The following DCAF11 variants were observed in gnomAD, a reference collection of about 807,000 sequenced individuals.
DCAF11 encodes DDB1- and CUL4-associated factor 11.
In DCAF11, 44 loss-of-function variants were observed where a neutral mutation model predicts 76.1. That is an observed-to-expected ratio of 0.58 (90% confidence interval 0.45 to 0.74). DCAF11 has a LOEUF of 0.74. DCAF11 is among the 30% of genes least tolerant of loss of function. The pLI, the probability that DCAF11 is intolerant of heterozygous loss-of-function variation, is 0.00. For synonymous variants in DCAF11, 258 were observed against 255.0 expected (o/e 1.01, Z -0.11); for missense variants, 604 against 709.4 (o/e 0.85, Z 1.69).
At position 24,123,343 on chromosome 14, in the gene DCAF11, TTG is replaced by T. The variant is rs1389556763; in HGVS notation, c.*35_*36del. The T allele has an allele frequency of 4.7e-6, 7 of 1,503,444 alleles. No homozygotes were observed. Among genetic ancestry groups the T allele is most frequent in the Non-Finnish European group, 6.2e-6 (7 of 1,125,672 alleles). 93.1% of individuals were successfully genotyped at this position (1,503,444 alleles called of 1,614,324 possible). On this transcript the variant is annotated 3_prime_UTR_variant, in exon 15 of 15. Coordinates refer to ENST00000446197, the MANE Select transcript of DCAF11 (RefSeq NM_025230.5). Reference sequence around the variant, plus strand: ...TCCAGCCCCATATAGGGTGAACCTCTTGATAAGCTCTCTGCCTCCTCCTCCCT... The same window carrying T: ...TCCAGCCCCATATAGGGTGAACCTCTATAAGCTCTCTGCCTCCTCCTCCCT...
Position 24,115,479 on chromosome 14 carries a change from C to G in DCAF11, c.-116C>G. On this transcript the variant is annotated 5_prime_UTR_variant, in exon 2 of 15. Coordinates refer to ENST00000446197, the MANE Select transcript of DCAF11 (RefSeq NM_025230.5). Reference sequence around the variant, plus strand: ...GGAAGGGTCACCCTCCTAGAGATAGCTACTACCCCGTCTCAGGAGACCCTG... The same window carrying G: ...GGAAGGGTCACCCTCCTAGAGATAGGTACTACCCCGTCTCAGGAGACCCTG... 3 of 1,445,804 alleles carry G rather than the reference C, an allele frequency of 2.1e-6. No homozygotes were observed. The South Asian group carries it at 4.2e-5, about 20-fold the overall frequency. The allele number at this position is 1,445,804 out of a possible 1,614,324, so 89.6% of individuals were successfully genotyped here.
chr14:24,123,113 C>T, intron 14 of DCAF11, 36 bp downstream of exon 14: 1 of 1,614,108 alleles, frequency 6.2e-7, no homozygotes. Context: ...TGGCACATGT[C>T]TGGGGCTTGG....
chr14:24,116,838 A>C, intron 2 of DCAF11, 79 bp from the exon 3 acceptor site: 1 of 1,599,944 alleles, frequency 6.3e-7, no homozygotes, highest in African/African-American at 1.3e-5. Flanking sequence ...GTGGTCTAAG[A>C]GCTAGATAGC....
Position 24,119,812 on chromosome 14 carries a change from T to C in DCAF11, c.1008T>C (p.Asp336=), listed in dbSNP as rs746503904. The C allele has an allele frequency of 2.5e-5, 41 of 1,614,048 alleles. No homozygotes were observed. Among genetic ancestry groups the C allele is most frequent in the Non-Finnish European group, 2.8e-5 (33 of 1,180,038 alleles). The change falls in exon 11 of 15, where the codon GAT becomes GAC. Residue 336 remains aspartate (D), a synonymous_variant. Coordinates refer to ENST00000446197, the MANE Select transcript of DCAF11 (RefSeq NM_025230.5). ...ATGATGCCATCTGCAAAGTGTGGGA[T>C]CGACGCACCATGCGGGAGGATGACC... ...GGDDAICKVW[D]RRTMREDDPK... is the part of the protein sequence containing the mutation.
At position 24,119,073 on chromosome 14, in the gene DCAF11, C is replaced by T. The variant is rs74040012; in HGVS notation, c.780-72C>T. ...TTCCCCTGGGGATGTGCCTTACAAC[C>T]GTTGTCAGATTTTATGTAGATTAAC... On this transcript the variant is annotated intron_variant, in intron 8 of 14. Transcript: ENST00000446197. The T allele has an allele frequency of 5.8e-4, 923 of 1,591,994 alleles. 6 individuals carry two copies. The African/African-American group carries it at 0.011, about 19-fold the overall frequency.
intron 6 of DCAF11, 116 bp from the exon 7 acceptor site, chr14:24,118,272 A>G: frequency 1.3e-6 from 2 of 1,582,786 alleles, no homozygotes; most frequent in Non-Finnish European, 1.7e-6. Context: ...GCTTAGCCAG[A>G]CCATGTTTCC....
chr14:24,115,630 G>A lies in DCAF11; in HGVS notation c.36G>A (p.Gly12=). ...GSRNSSSAGS[G]SGDPSEGLPR... is the part of the protein sequence containing the mutation. ...GGAACAGCAGCAGTGCAGGATCCGG[G>A]TCCGGAGACCCCTCCGAGGGCTTGC... Residue 12 remains glycine, a synonymous_variant, in exon 2 of 15, where the codon GGG becomes GGA. Coordinates refer to ENST00000446197, the MANE Select transcript of DCAF11 (RefSeq NM_025230.5). The A allele has an allele frequency of 6.2e-7, 1 of 1,613,908 alleles. No individual in the cohort carries two copies. Among genetic ancestry groups the A allele is most frequent in the South Asian group, 1.1e-5 (1 of 91,020 alleles).
intron 13 of DCAF11, 150 bp downstream of exon 13, chr14:24,121,667 AAACC>A: frequency 1.2e-6 from 1 of 804,836 alleles, no homozygotes; most frequent in Non-Finnish European, 1.9e-6. Context: ...AGAGAAATAG[AAACC>A]ATTCTATTTT....
chr14:24,123,782 T>G lies in DCAF11; in HGVS notation c.*473T>G. ...AGGGGAGGGGCATGGGTAAGGGTGT[T>G]TCCTCAGCACCCTCCTGGGGTGGGG... On this transcript the variant is annotated 3_prime_UTR_variant, in exon 15 of 15. Transcript: ENST00000446197. The G allele has an allele frequency of 6.5e-6, 1 of 154,196 alleles. No homozygotes were observed. Among genetic ancestry groups the G allele is most frequent in the Non-Finnish European group, 1.4e-5 (1 of 69,372 alleles). The allele number at this position is 154,196 out of a possible 1,614,324, so 9.6% of individuals were successfully genotyped here.
chr14:24,118,929 C>T, intron 8 of DCAF11, 125 bp downstream of exon 8: 1 of 1,218,432 alleles, frequency 8.2e-7, no homozygotes, highest in Middle Eastern at 1.9e-4. Flanking sequence ...TGTGTGCATT[C>T]CTGGGAGGGA....
At chr14:24,115,331 G>A (rs2037524296) in intron 1 of DCAF11, 38 bp downstream of exon 1, 1 of 339,210 alleles carries the variant, frequency 2.9e-6, no homozygotes, top group African/African-American at 2.1e-5. Flanking sequence ...TCTTCAGTTG[G>A]TGAGCTAGGG....
At chr14:24,121,790 A>G in intron 13 of DCAF11, 1 of 384,550 alleles carries the variant, frequency 2.6e-6, no homozygotes, top group South Asian at 4.3e-5. Context: ...AAGAGGTTGC[A>G]GATGAAAGGT....
chr14:24,122,490 CAAAA>C (rs552258351), intron 13 of DCAF11, among the ~76,000 whole-genome samples: 1 of 46,394 alleles, frequency 2.2e-5, no homozygotes, highest in African/African-American at 8.5e-5. Context: ...GACTCCATCT[CAAAA>C]AAAAAAAAAA....
In DCAF11 at chr14:24,117,548, A is replaced by T; in HGVS notation, c.412-120A>T. The T allele has an allele frequency of 6.6e-7, 1 of 1,515,050 alleles. No individual in the cohort carries two copies. Among genetic ancestry groups the T allele is most frequent in the Non-Finnish European group, 9.0e-7 (1 of 1,108,836 alleles). 93.9% of individuals were successfully genotyped at this position (1,515,050 alleles called of 1,614,324 possible). On this transcript the variant is annotated intron_variant, in intron 4 of 14. Coordinates refer to ENST00000446197, the MANE Select transcript of DCAF11 (RefSeq NM_025230.5). The surrounding 1 kb of genome is among the most constrained non-coding windows in gnomAD (Gnocchi z 4.3). ...AGCCTCCATCGGAGTTCTGTGGGAC[A>T]GACTATGATGTGTGTGTCCATTTCT...
Position 24,118,084 on chromosome 14 carries a change from A to G in DCAF11, c.506A>G (p.Asp169Gly). The change falls in exon 6 of 15, where the codon GAT (aspartate) becomes GGT (glycine). Residue 169 changes from aspartate (D) to glycine (G), a missense_variant. Physicochemically the swap from Asp to Gly is moderately conservative, Grantham distance 94 (BLOSUM62 -1). Coordinates refer to ENST00000446197, the MANE Select transcript of DCAF11 (RefSeq NM_025230.5). ...TTGCCCAATGATCTGGGCTTCACTGATAGCTACTCTCAGAAGGCTTTCTGT... is the reference window on the plus strand; with the variant it reads ...TTGCCCAATGATCTGGGCTTCACTGGTAGCTACTCTCAGAAGGCTTTCTGT... Reference protein sequence around the residue: ...HFLPNDLGFTDSYSQKAFCGI... With the variant: ...HFLPNDLGFTGSYSQKAFCGI... 1 of 1,612,428 alleles carries G rather than the reference A, an allele frequency of 6.2e-7. No homozygotes were observed. The highest frequency in any genetic ancestry group is 8.5e-7 in the Non-Finnish European group (1 of 1,179,534).
chr14:24,117,558 G>C lies in DCAF11; in HGVS notation c.412-110G>C. 6.6e-7 allele frequency: 1 copy of C among 1,506,956 alleles called. No homozygotes were observed. Among genetic ancestry groups the C allele is most frequent in the Non-Finnish European group, 9.1e-7 (1 of 1,096,946 alleles). 93.3% of individuals were successfully genotyped at this position (1,506,956 alleles called of 1,614,324 possible). A position where few individuals can be genotyped will look rare whatever the true frequency, so the allele number is the denominator to read the frequency against. On this transcript the variant is annotated intron_variant, in intron 4 of 14. Coordinates refer to ENST00000446197, the MANE Select transcript of DCAF11 (RefSeq NM_025230.5). This position sits in a 1 kb window ranked among gnomAD's most constrained non-coding sequence, Gnocchi z 4.3. ...GGAGTTCTGTGGGACAGACTATGAT[G>C]TGTGTGTCCATTTCTATAACAAGAG...
At position 24,124,240 on chromosome 14, in the gene DCAF11, T is replaced by C. The variant is rs1205474649; in HGVS notation, c.*931T>C. On this transcript the variant is annotated 3_prime_UTR_variant, in exon 15 of 15. Coordinates refer to ENST00000446197, the MANE Select transcript of DCAF11 (RefSeq NM_025230.5). ...GTGCTCCCTTACCAATTTCAGAAGC[T>C]TCCCTGCAAGTAGATATCGAGAGAG... is the stretch of plus-strand genomic sequence containing the variant. 1 of 152,254 alleles carries C rather than the reference T, an allele frequency of 6.6e-6. No homozygotes were observed. Among genetic ancestry groups the C allele is most frequent in the Non-Finnish European group, 1.5e-5 (1 of 68,050 alleles). 9.4% of individuals were successfully genotyped at this position (152,254 alleles called of 1,614,324 possible). A position where few individuals can be genotyped will look rare whatever the true frequency, so the allele number is the denominator to read the frequency against.
chr14:24,115,739 C>A lies in DCAF11; in HGVS notation c.145C>A (p.Leu49Ile). Residue 49 changes from leucine to isoleucine, a missense_variant, in exon 2 of 15, where the codon CTC (leucine) becomes ATC (isoleucine). By Grantham distance (5) the Leu-to-Ile change is conservative. Coordinates refer to ENST00000446197, the MANE Select transcript of DCAF11 (RefSeq NM_025230.5). ...DVDLAQVLAY[L>I]LRRGQVRLVQ... ...GGATCTGGCCCAGGTACTGGCCTAT[C>A]TCCTCCGCAGGTAACTTACCCTCTG... is the stretch of plus-strand genomic sequence containing the variant. 1 of 1,612,884 alleles carries A rather than the reference C, an allele frequency of 6.2e-7. No individual in the cohort carries two copies. Among genetic ancestry groups the A allele is most frequent in the South Asian group, 1.1e-5 (1 of 90,802 alleles).
At position 24,125,157 on chromosome 14, in the gene DCAF11, GC is replaced by G. The variant is rs2037759307; in HGVS notation, c.*1850del. The G allele has an allele frequency of 6.6e-6, 1 of 152,204 alleles. No homozygotes were observed. Among genetic ancestry groups the G allele is most frequent in the Admixed American group, 6.6e-5 (1 of 15,264 alleles). The allele number at this position is 152,204 out of a possible 1,614,324, so 9.4% of individuals were successfully genotyped here. ...GGCCAGGAGGTCAAGGCTGCGGTGA[GC>G]CGTGATTGTGCCAATGTACTCCAGC... On this transcript the variant is annotated 3_prime_UTR_variant, in exon 15 of 15. Transcript: ENST00000446197.
Sources: allele counts gnomAD v4.1 joint callset (sites outside exome capture counted in the v4.1 genomes callset), GRCh38; gene constraint gnomAD v4.1.1; non-coding constraint Gnocchi (gnomAD v3.1); transcripts MANE v1.5; gene names NCBI Gene and HGNC (gene_info 2026-07-23, HGNC 2026-07-21).